The following XKR4 variants were observed in gnomAD, a reference collection of about 807,000 sequenced individuals.
XKR4 encodes XK-related protein 4.
A neutral mutation model predicts 53.9 loss-of-function variants in XKR4; 12 were observed. That is an observed-to-expected ratio of 0.22 (90% CI 0.14 to 0.36). The LOEUF (loss-of-function observed/expected upper bound fraction) is 0.36, where lower values mean the gene tolerates loss of function less well. Among genes scored for constraint, XKR4 ranks in the 10% least tolerant of loss-of-function variants. The pLI is 1.00. For missense variants in XKR4, 799 were observed against 859.5 expected (o/e 0.93, Z 0.88); for synonymous variants, 354 against 362.4 (o/e 0.98, Z 0.26).
At chr8:55,371,808 C>T (rs1186108464) in intron 2 of XKR4, among the ~76,000 whole-genome samples, 2 of 152,232 alleles carry the variant, frequency 1.3e-5, no homozygotes, top group Non-Finnish European at 2.9e-5. Context: ...TTCTACTTAT[C>T]ATTGATTCAA....
chr8:55,146,538 G>A (rs1816775255), intron 1 of XKR4, among the ~76,000 whole-genome samples: 1 of 152,160 alleles, frequency 6.6e-6, no homozygotes, highest in Admixed American at 6.5e-5. Flanking sequence ...TTGAAATGTG[G>A]CAACGTGGCA....
At position 55,452,795 on chromosome 8, in the gene XKR4, G is replaced by T. The variant is rs552451421; in HGVS notation, c.1007-70486G>T. On this transcript the variant is annotated intron_variant, in intron 2 of 2. Coordinates refer to ENST00000327381, the MANE Select transcript of XKR4 (RefSeq NM_052898.2). ...TCTCAGCCACACTGCCAGCCATGCT[G>T]TTGGGGACCAGGCTGTTGCTGGTGC... 4.6e-5 allele frequency: 36 copies of T among 783,908 alleles called. 1 individual carries two copies. The African/African-American group carries it at 5.9e-4, about 13-fold the overall frequency. 48.6% of individuals were successfully genotyped at this position (783,908 alleles called of 1,614,324 possible).
intron 2 of XKR4, among the ~76,000 whole-genome samples, chr8:55,366,751 T>G (rs1803994559): frequency 6.6e-6 from 1 of 152,200 alleles, no homozygotes; most frequent in Non-Finnish European, 1.5e-5. Context: ...AGTCCTTCTC[T>G]TCTACCCTGG....
intron 1 of XKR4, among the ~76,000 whole-genome samples, chr8:55,169,005 T>A (rs888828629): frequency 1.3e-5 from 2 of 152,228 alleles, no homozygotes; most frequent in Non-Finnish European, 2.9e-5. Flanking sequence ...ATTGATAGGT[T>A]TATTTGTTTC....
At chr8:55,287,303 A>C (rs1033972164) in intron 1 of XKR4, among the ~76,000 whole-genome samples, 1 of 152,234 alleles carries the variant, frequency 6.6e-6, no homozygotes, top group African/African-American at 2.4e-5. Flanking sequence ...GGAGAATTTG[A>C]AAAAAGCAAC....
intron 2 of XKR4, among the ~76,000 whole-genome samples, chr8:55,434,618 T>C (rs1423014602): frequency 6.6e-6 from 1 of 152,210 alleles, no homozygotes; most frequent in South Asian, 2.1e-4. Flanking sequence ...GTTTTATCAT[T>C]ATTATTTATC....
chr8:55,402,675 C>T (rs769046868), intron 2 of XKR4, among the ~76,000 whole-genome samples: 2 of 152,118 alleles, frequency 1.3e-5, no homozygotes, highest in Non-Finnish European at 1.5e-5. Context: ...CAGTGCATGT[C>T]GTGGGGCAAA....
chr8:55,408,587 G>A (rs576579916), intron 2 of XKR4, among the ~76,000 whole-genome samples: 18 of 152,282 alleles, frequency 1.2e-4, no homozygotes, highest in African/African-American at 3.1e-4. Context: ...AAGGGCTTCC[G>A]GACTATGTGG....
intron 2 of XKR4, among the ~76,000 whole-genome samples, chr8:55,474,503 G>C (rs1414306022): frequency 6.6e-6 from 1 of 151,870 alleles, no homozygotes; most frequent in Non-Finnish European, 1.5e-5. Context: ...AGAAAAATCT[G>C]TTTCTGAGTT....
chr8:55,453,481 GC>G, intron 2 of XKR4: 1 of 396,170 alleles, frequency 2.5e-6, no homozygotes, highest in Non-Finnish European at 5.0e-6. Context: ...AGATGCAGTT[GC>G]CCACGACCTC....
intron 1 of XKR4, among the ~76,000 whole-genome samples, chr8:55,150,509 G>T (rs746664317): frequency 2.6e-5 from 4 of 152,090 alleles, no homozygotes; most frequent in Non-Finnish European, 5.9e-5. Flanking sequence ...TTAGGAAGTC[G>T]TGCATGACCC....
intron 1 of XKR4, among the ~76,000 whole-genome samples, chr8:55,191,081 T>C (rs148263980): frequency 2.0e-5 from 3 of 152,326 alleles, no homozygotes; most frequent in Non-Finnish European, 4.4e-5. Context: ...TCTGTAGCTC[T>C]GTGGAAAAAC....
chr8:55,274,159 A>G (rs560367552), intron 1 of XKR4, among the ~76,000 whole-genome samples: 2 of 152,338 alleles, frequency 1.3e-5, no homozygotes, highest in Non-Finnish European at 2.9e-5. Flanking sequence ...TGAAAAACCA[A>G]GTTATGTCAG....
intron 1 of XKR4, chr8:55,164,226 CTGT>C (rs762322289): frequency 4.6e-5 from 21 of 456,660 alleles, no homozygotes; most frequent in African/African-American, 4.2e-4. Context: ...TTCCTGAATT[CTGT>C]CGGCATTGAG....
chr8:55,427,041 C>T (rs1342318503), intron 2 of XKR4, among the ~76,000 whole-genome samples: 2 of 152,180 alleles, frequency 1.3e-5, no homozygotes, highest in African/African-American at 4.8e-5. Flanking sequence ...GTCAGTGCCA[C>T]ATATAAAATA....
intron 2 of XKR4, among the ~76,000 whole-genome samples, chr8:55,422,072 A>G (rs1160265593): frequency 6.6e-6 from 1 of 152,232 alleles, no homozygotes; most frequent in African/African-American, 2.4e-5. Context: ...GAACATATAC[A>G]AGACTAAAAT....
chr8:55,170,592 T>TA (rs1354192879), intron 1 of XKR4, among the ~76,000 whole-genome samples: 1 of 152,230 alleles, frequency 6.6e-6, no homozygotes, highest in Non-Finnish European at 1.5e-5. Context: ...TGTAGGGCTT[T>TA]AAGTCCCTAA....
intron 2 of XKR4, chr8:55,453,391 G>A (rs1745779805): frequency 2.3e-6 from 1 of 436,580 alleles, no homozygotes; most frequent in Admixed American, 2.5e-5. Flanking sequence ...GGCAGTGGCA[G>A]GCAGCTCACC....
chr8:55,244,992 C>T (rs1818265314), intron 1 of XKR4, among the ~76,000 whole-genome samples: 1 of 151,554 alleles, frequency 6.6e-6, no homozygotes, highest in Non-Finnish European at 1.5e-5. Context: ...ATCTCTGCCT[C>T]CCGGGTTCCA....
Sources: allele counts gnomAD v4.1 joint callset (sites outside exome capture counted in the v4.1 genomes callset), GRCh38; gene constraint gnomAD v4.1.1; transcripts MANE v1.5; gene names NCBI Gene and HGNC (gene_info 2026-07-23, HGNC 2026-07-21).